RBMS3: variants seen among roughly 807,000 people sequenced by gnomAD.
The protein encoded by RBMS3 is RNA-binding motif, single-stranded-interacting protein 3.
In RBMS3, 27 loss-of-function variants were observed where a neutral mutation model predicts 66.8. The ratio of observed to expected loss-of-function variants is 0.40; its 90% CI spans 0.30 to 0.56. The LOEUF is 0.56. Ranked by LOEUF, RBMS3 falls within the 20% of genes least tolerant of loss-of-function variation. RBMS3 has a pLI of 0.40. For missense variants in RBMS3, 513 were observed against 549.5 expected, an observed-to-expected ratio of 0.93 and a Z score of 0.66; for synonymous variants, 188 against 183.0, an observed-to-expected ratio of 1.03 and a Z score of -0.22.
intron 4 of RBMS3, among the ~76,000 whole-genome samples, chr3:29,629,043 C>T (rs990383360): frequency 1.3e-5 from 2 of 152,030 alleles, no homozygotes; most frequent in Non-Finnish European, 2.9e-5. Context: ...TTTTGAAGTG[C>T]ATATGCAGGC....
intron 4 of RBMS3, among the ~76,000 whole-genome samples, chr3:29,717,669 G>T (rs1408230530): frequency 6.6e-6 from 1 of 152,034 alleles, no homozygotes; most frequent in Admixed American, 6.6e-5. Context: ...TGATCCATTA[G>T]AATTGTGCAG....
chr3:29,533,655 T>TA (rs972958235), intron 3 of RBMS3, among the ~76,000 whole-genome samples: 2 of 152,108 alleles, frequency 1.3e-5, no homozygotes, highest in Non-Finnish European at 2.9e-5. Flanking sequence ...CACATGCCTG[T>TA]AGTCCCAGGT....
chr3:29,764,696 T>A (rs1181996721), intron 6 of RBMS3, among the ~76,000 whole-genome samples: 1 of 152,108 alleles, frequency 6.6e-6, no homozygotes, highest in Non-Finnish European at 1.5e-5. Flanking sequence ...GAAAGTATTT[T>A]ATTTGGTTTT....
At chr3:29,349,667 T>C (rs535587217) in intron 1 of RBMS3, among the ~76,000 whole-genome samples, 32 of 152,340 alleles carry the variant, frequency 2.1e-4, no homozygotes, top group African/African-American at 7.7e-4. Flanking sequence ...TCTGTCACCC[T>C]ACTCTGACAT....
intron 4 of RBMS3, among the ~76,000 whole-genome samples, chr3:29,681,236 A>G (rs1313826116): frequency 3.3e-5 from 5 of 152,212 alleles, no homozygotes; most frequent in Non-Finnish European, 7.3e-5. Context: ...TTAGTGTAAG[A>G]ATGAAAAAAA....
chr3:29,677,225 A>T (rs1337793678), intron 4 of RBMS3, among the ~76,000 whole-genome samples: 3 of 152,154 alleles, frequency 2.0e-5, no homozygotes, highest in African/African-American at 7.2e-5. Flanking sequence ...TGGAGATTAA[A>T]TTTCAACATG....
At chr3:29,545,474 C>G (rs972226622) in intron 3 of RBMS3, among the ~76,000 whole-genome samples, 1 of 152,082 alleles carries the variant, frequency 6.6e-6, no homozygotes, top group African/African-American at 2.4e-5. Context: ...TCCTAAAAAT[C>G]TCATAGCCCT....
intron 4 of RBMS3, among the ~76,000 whole-genome samples, chr3:29,590,453 G>A (rs1049610693): frequency 6.6e-6 from 1 of 152,016 alleles, no homozygotes; most frequent in Non-Finnish European, 1.5e-5. Flanking sequence ...TTTTAAATGT[G>A]TTATTCCAAA....
chr3:29,879,074 A>G (rs1229244065), intron 7 of RBMS3, among the ~76,000 whole-genome samples: 2 of 151,688 alleles, frequency 1.3e-5, no homozygotes, highest in African/African-American at 4.9e-5. Flanking sequence ...ATAAGTCAAA[A>G]CAATGCATGA....
At chr3:29,405,232 A>G (rs1474663320) in intron 1 of RBMS3, among the ~76,000 whole-genome samples, 1 of 152,162 alleles carries the variant, frequency 6.6e-6, no homozygotes, top group Non-Finnish European at 1.5e-5. Flanking sequence ...TGAGAATCCA[A>G]GAGAATCAAA....
At chr3:29,450,081 A>G (rs1050761641) in intron 2 of RBMS3, among the ~76,000 whole-genome samples, 1 of 152,194 alleles carries the variant, frequency 6.6e-6, no homozygotes, top group African/African-American at 2.4e-5. Flanking sequence ...CAAGAAGGAA[A>G]CAAACTACAG....
intron 2 of RBMS3, among the ~76,000 whole-genome samples, chr3:29,478,742 A>G (rs1332447131): frequency 2.0e-5 from 3 of 152,182 alleles, no homozygotes; most frequent in Non-Finnish European, 2.9e-5. Flanking sequence ...CAGATGTAAA[A>G]TCTGCTGTGA....
intron 3 of RBMS3, among the ~76,000 whole-genome samples, chr3:29,583,258 A>T (rs184809922): frequency 6.6e-6 from 1 of 152,008 alleles, no homozygotes; most frequent in Non-Finnish European, 1.5e-5. Flanking sequence ...CCTGTGTACC[A>T]TGTGGGGGTG....
At chr3:29,583,118 G>A (rs9881271) in intron 3 of RBMS3, among the ~76,000 whole-genome samples, 36,393 of 151,940 alleles carry the variant, frequency 0.24, 5,124 homozygotes, top group African/African-American at 0.37. Flanking sequence ...TTATAAGTAC[G>A]CTTTTTTCAA....
chr3:29,452,917 A>T (rs1394146934), intron 2 of RBMS3, among the ~76,000 whole-genome samples: 1 of 152,218 alleles, frequency 6.6e-6, no homozygotes, highest in East Asian at 1.9e-4. Flanking sequence ...GCTTGAATAT[A>T]CATTTTTCAG....
intron 4 of RBMS3, among the ~76,000 whole-genome samples, chr3:29,668,445 A>G (rs933234531): frequency 6.6e-6 from 1 of 152,226 alleles, no homozygotes; most frequent in African/African-American, 2.4e-5. Context: ...TAGCAGCTAA[A>G]CTGGAACTGC....
chr3:29,928,542 GC>G (rs1027154266), intron 10 of RBMS3, among the ~76,000 whole-genome samples: 56 of 151,944 alleles, frequency 3.7e-4, no homozygotes, highest in African/African-American at 1.3e-3. Context: ...TACCATGGGG[GC>G]CCTGCAAAGC....
At chr3:29,336,842 A>G (rs2035983418) in intron 1 of RBMS3, among the ~76,000 whole-genome samples, 1 of 152,162 alleles carries the variant, frequency 6.6e-6, no homozygotes. Context: ...AAGACAAAAA[A>G]GACAATATGT....
chr3:29,664,122 T>A (rs2050662998), intron 4 of RBMS3, among the ~76,000 whole-genome samples: 1 of 152,068 alleles, frequency 6.6e-6, no homozygotes, highest in Non-Finnish European at 1.5e-5. Flanking sequence ...GAGAATAACG[T>A]CTCTAATTTG....
Sources: allele counts gnomAD v4.1 joint callset (sites outside exome capture counted in the v4.1 genomes callset), GRCh38; gene constraint gnomAD v4.1.1; transcripts MANE v1.5; gene names NCBI Gene and HGNC (gene_info 2026-07-23, HGNC 2026-07-21).